The following ITGB1 variants were observed in gnomAD, a reference collection of about 807,000 sequenced individuals.
The protein encoded by ITGB1 is integrin beta-1.
ITGB1 carries 24 observed loss-of-function variants against 86.5 expected under a neutral mutation model. The ratio of observed to expected loss-of-function variants is 0.28; its 90% CI spans 0.20 to 0.39. ITGB1 has a LOEUF of 0.39. Ranked by LOEUF, ITGB1 falls within the 10% of genes least tolerant of loss-of-function variation. ITGB1 has a pLI of 1.00. For synonymous variants in ITGB1, 323 were observed against 316.8 expected, an observed-to-expected ratio of 1.02 and a Z score of -0.21; for missense variants, 556 against 946.9, an observed-to-expected ratio of 0.59 and a Z score of 5.42.
In ITGB1 at chr10:32,912,129, A is replaced by C; in HGVS notation, c.1470-5T>G. On this transcript the variant is annotated splice_region_variant and splice_polypyrimidine_tract_variant and intron_variant, in intron 11 of 15. Transcript: ENST00000302278. ...CCAACACGCCCTTCATTGCACCTGA[A>C]GAAACATGCCAAAATTGCAATCACA... The C allele has an allele frequency of 6.2e-7, 1 of 1,604,646 alleles. No homozygotes were observed. Among genetic ancestry groups the C allele is most frequent in the Non-Finnish European group, 8.5e-7 (1 of 1,174,680 alleles).
At chr10:32,924,566 T>C (rs1442755096) in intron 6 of ITGB1, among the ~76,000 whole-genome samples, 1 of 152,166 alleles carries the variant, frequency 6.6e-6, no homozygotes, top group African/African-American at 2.4e-5. Context: ...TGGATCAGCA[T>C]GACCAACACA....
intron 1 of ITGB1, chr10:32,951,755 T>C (rs552199157): frequency 3.0e-4 from 46 of 152,308 alleles, no homozygotes; most frequent in African/African-American, 1.1e-3. Flanking sequence ...TTTTTTGCCT[T>C]TCCCTGTGAG....
At chr10:32,941,728 A>T (rs993650405) in intron 1 of ITGB1, among the ~76,000 whole-genome samples, 8 of 152,228 alleles carry the variant, frequency 5.3e-5, no homozygotes, top group Admixed American at 3.9e-4. Flanking sequence ...ACAAATGTCT[A>T]AATTCAGATA....
At chr10:32,957,304 G>A (rs1461316225) in intron 1 of ITGB1, among the ~76,000 whole-genome samples, 1 of 152,188 alleles carries the variant, frequency 6.6e-6, no homozygotes, top group African/African-American at 2.4e-5. Context: ...TAGAGAGTAG[G>A]AGTCTCATAA....
At chr10:32,907,207 G>A (rs527739481) in intron 15 of ITGB1, 5 of 598,960 alleles carry the variant, frequency 8.3e-6, no homozygotes, top group East Asian at 5.7e-5. Flanking sequence ...TATAGTGTTT[G>A]AACACTATAA....
intron 11 of ITGB1, among the ~76,000 whole-genome samples, chr10:32,915,655 A>G (rs1480483600): frequency 6.6e-6 from 1 of 152,234 alleles, no homozygotes; most frequent in East Asian, 1.9e-4. Context: ...CAGGCTCTCA[A>G]ATGGAGGCAA....
At chr10:32,947,432 C>CGTGCGT (rs1555222162) in intron 1 of ITGB1, among the ~76,000 whole-genome samples, 3 of 137,296 alleles carry the variant, frequency 2.2e-5, no homozygotes, top group Non-Finnish European at 4.7e-5. Context: ...CACATATAGC[C>CGTGCGT]GTGTGTGTGT....
intron 2 of ITGB1, among the ~76,000 whole-genome samples, chr10:32,933,039 C>G (rs1012554207): frequency 2.0e-5 from 3 of 152,076 alleles, no homozygotes; most frequent in Admixed American, 1.3e-4. Context: ...CATTAACACT[C>G]CCGACTTCCT....
At chr10:32,911,736 A>C in intron 12 of ITGB1, 66 bp from the exon 13 acceptor site, 1 of 1,546,890 alleles carries the variant, frequency 6.5e-7, no homozygotes. Context: ...ACTGAAAAGT[A>C]AAATAAGCAA....
rs58265388 is a variant in ITGB1, at chr10:32,926,133, A to T, written c.548-24T>A. The T allele has an allele frequency of 8.9e-3, 13,182 of 1,473,894 alleles. 946 individuals carry two copies. The African/African-American group carries it at 0.16, about 18-fold the overall frequency. 91.3% of individuals were successfully genotyped at this position (1,473,894 alleles called of 1,614,324 possible). On this transcript the variant is annotated intron_variant, in intron 5 of 15. Transcript: ENST00000302278. ...TCCTGCCAAGAAAAAAATGGTACATAAATGAATGAATGGATGGATAGATGG... is the reference window on the plus strand; with the variant it reads ...TCCTGCCAAGAAAAAAATGGTACATTAATGAATGAATGGATGGATAGATGG...
chr10:32,923,247 A>C (rs2094955334), intron 7 of ITGB1, among the ~76,000 whole-genome samples: 1 of 152,232 alleles, frequency 6.6e-6, no homozygotes, highest in African/African-American at 2.4e-5. Flanking sequence ...TATAAAACAA[A>C]GAGTATGAGA....
intron 1 of ITGB1, chr10:32,953,835 T>C (rs555080200): frequency 6.6e-6 from 1 of 152,146 alleles, no homozygotes; most frequent in Non-Finnish European, 1.5e-5. Context: ...CACAAAGAAA[T>C]GTGACCAATG....
intron 15 of ITGB1, 87 bp from the exon 16 acceptor site, chr10:32,901,722 C>A: frequency 1.2e-6 from 1 of 853,606 alleles, no homozygotes; most frequent in Non-Finnish European, 1.9e-6. Context: ...CTAAAAGTTG[C>A]AATCATCTTA....
intron 1 of ITGB1, among the ~76,000 whole-genome samples, chr10:32,942,724 G>A (rs1292337570): frequency 3.4e-5 from 5 of 145,798 alleles, no homozygotes; most frequent in African/African-American, 7.5e-5. Context: ...TTGCTCTGTC[G>A]CCTAGGCTGG....
At chr10:32,920,105 TAAC>T in intron 10 of ITGB1, 21 bp from the exon 11 acceptor site, 1 of 1,599,288 alleles carries the variant, frequency 6.3e-7, no homozygotes, top group Non-Finnish European at 8.6e-7. Context: ...AAAAAAAGAT[TAAC>T]AACCAACTAA....
chr10:32,907,047 GA>G (rs1593851957), intron 15 of ITGB1: 1 of 1,314,166 alleles, frequency 7.6e-7, no homozygotes, highest in African/African-American at 1.5e-5. Context: ...GGCAGAAAGT[GA>G]AACAAAATAC....
intron 6 of ITGB1, 132 bp from the exon 7 acceptor site, chr10:32,923,872 T>C (rs374462874): frequency 5.6e-6 from 4 of 719,198 alleles, no homozygotes; most frequent in South Asian, 2.0e-5. Context: ...CTTTATACAA[T>C]GGTAATTATC....
At chr10:32,911,035 G>C (rs748919004) in intron 13 of ITGB1, among the ~76,000 whole-genome samples, 2 of 151,982 alleles carry the variant, frequency 1.3e-5, no homozygotes. Context: ...CACTGTGCTC[G>C]GCCAAAATCA....
Position 32,901,552 on chromosome 10 carries a change from G to T in ITGB1, c.*18C>A. The T allele has an allele frequency of 6.7e-7, 1 of 1,495,608 alleles. No homozygotes were observed. Among genetic ancestry groups the T allele is most frequent in the Non-Finnish European group, 9.2e-7 (1 of 1,081,400 alleles). 92.6% of individuals were successfully genotyped at this position (1,495,608 alleles called of 1,614,324 possible). A position where few individuals can be genotyped will look rare whatever the true frequency, so the allele number is the denominator to read the frequency against. On this transcript the variant is annotated 3_prime_UTR_variant, in exon 16 of 16. Coordinates refer to ENST00000302278, the MANE Select transcript of ITGB1 (RefSeq NM_002211.4). ...TGCTACTTTGCATTCAGTGTTGTGG[G>T]ATTTGCACGGGCAGTACTCATTTTC...
Sources: allele counts gnomAD v4.1 joint callset (sites outside exome capture counted in the v4.1 genomes callset), GRCh38; gene constraint gnomAD v4.1.1; transcripts MANE v1.5; gene names NCBI Gene and HGNC (gene_info 2026-07-23, HGNC 2026-07-21).